FRAS1: variants seen among roughly 807,000 people sequenced by gnomAD.
FRAS1 encodes the protein extracellular matrix organizing protein FRAS1.
Under a neutral mutation model 435.2 loss-of-function variants are expected in FRAS1, and 290 were observed. The observed-to-expected ratio is 0.67, with a 90% confidence interval of 0.61 to 0.73. The LOEUF is 0.73. Among genes scored for constraint, FRAS1 ranks in the 30% least tolerant of loss-of-function variants. The probability of loss-of-function intolerance (pLI) is 0.00; values close to 1 mark genes in which losing one functional copy is unlikely to be tolerated. For synonymous variants in FRAS1, 1,800 were observed against 1,851.0 expected, an observed-to-expected ratio of 0.97 and a Z score of 0.71; for missense variants, 4,860 against 5,001.5, an observed-to-expected ratio of 0.97 and a Z score of 0.85.
At chr4:78,265,825 G>C (rs1412389160) in intron 7 of FRAS1, among the ~76,000 whole-genome samples, 1 of 152,170 alleles carries the variant, frequency 6.6e-6, no homozygotes, top group Non-Finnish European at 1.5e-5. Flanking sequence ...AGAAATTGGG[G>C]TCATGACTCT....
chr4:78,109,224 A>G (rs574577669), intron 2 of FRAS1, among the ~76,000 whole-genome samples: 4 of 80,030 alleles, frequency 5.0e-5, no homozygotes, highest in Admixed American at 1.5e-4. Flanking sequence ...ATAGAAAAAG[A>G]GGGAATCCTC....
intron 47 of FRAS1, among the ~76,000 whole-genome samples, chr4:78,453,320 A>G (rs1218249718): frequency 1.3e-5 from 2 of 152,162 alleles, no homozygotes; most frequent in Non-Finnish European, 2.9e-5. Context: ...GTGGGATTTC[A>G]CCTAGAGCAG....
chr4:78,227,793 T>A (rs1449940585), intron 2 of FRAS1, among the ~76,000 whole-genome samples: 1 of 152,208 alleles, frequency 6.6e-6, no homozygotes, highest in Non-Finnish European at 1.5e-5. Flanking sequence ...AGATTGAAGG[T>A]GGCTACTGCA....
intron 2 of FRAS1, among the ~76,000 whole-genome samples, chr4:78,221,066 G>A (rs1184508978): frequency 6.6e-6 from 1 of 152,116 alleles, no homozygotes; most frequent in Admixed American, 6.5e-5. Context: ...TACTTGGGAG[G>A]CTGAAGTGGG....
Position 78,306,188 on chromosome 4 carries a change from G to T in FRAS1, c.1535-1878G>T, listed in dbSNP as rs200333702. ...TTTTCTTTAAGAATGTTGAATATTG[G>T]CCCCCACTCTCTTCTGGCTTGTAGA... On this transcript the variant is annotated intron_variant, in intron 14 of 73. Transcript: ENST00000512123. 5.9e-5 allele frequency among the ~76,000 whole-genome samples: 9 copies of T among 151,770 alleles called. No homozygotes were observed. In the East Asian group the frequency reaches 7.7e-4, roughly 13 times the overall value.
At chr4:78,083,285 T>C (rs1319622790) in intron 2 of FRAS1, among the ~76,000 whole-genome samples, 6 of 152,060 alleles carry the variant, frequency 3.9e-5, no homozygotes, top group Non-Finnish European at 8.8e-5. Flanking sequence ...TTCTGGATAA[T>C]GAAAGGTGAA....
chr4:78,307,612 G>A (rs1300218237), intron 14 of FRAS1, among the ~76,000 whole-genome samples: 6 of 152,204 alleles, frequency 3.9e-5, no homozygotes, highest in Admixed American at 3.3e-4. Flanking sequence ...GGAGTGACCC[G>A]ATTTTCCAGG....
intron 30 of FRAS1, among the ~76,000 whole-genome samples, chr4:78,402,587 C>T (rs1488526089): frequency 1.3e-5 from 2 of 152,200 alleles, no homozygotes; most frequent in African/African-American, 4.8e-5. Context: ...CTTGAATACC[C>T]TTATCCTCCC....
intron 62 of FRAS1, 81 bp from the exon 63 acceptor site, chr4:78,508,650 T>G: frequency 7.1e-7 from 1 of 1,402,082 alleles, no homozygotes; most frequent in Non-Finnish European, 9.9e-7. Context: ...AGAGATCTTG[T>G]GGATCTCTAA....
intron 59 of FRAS1, among the ~76,000 whole-genome samples, chr4:78,496,028 T>C (rs1401823510): frequency 2.0e-5 from 3 of 152,196 alleles, no homozygotes; most frequent in African/African-American, 7.2e-5. Context: ...TACTCATATA[T>C]CCTTTGCAAT....
At chr4:78,392,900 A>G (rs1578294804) in intron 29 of FRAS1, among the ~76,000 whole-genome samples, 2 of 152,078 alleles carry the variant, frequency 1.3e-5, no homozygotes, top group Non-Finnish European at 1.5e-5. Flanking sequence ...AAGATGATAT[A>G]TACCCTTCTA....
intron 29 of FRAS1, among the ~76,000 whole-genome samples, chr4:78,395,801 G>A (rs973184881): frequency 7.9e-5 from 12 of 151,956 alleles, no homozygotes; most frequent in Non-Finnish European, 1.5e-4. Flanking sequence ...CATACTTTCT[G>A]TCCATTCAGC....
At chr4:78,064,914 G>A (rs1242499019) in intron 1 of FRAS1, among the ~76,000 whole-genome samples, 6 of 151,626 alleles carry the variant, frequency 4.0e-5, no homozygotes, top group Non-Finnish European at 7.4e-5. Flanking sequence ...GTTCAAATGT[G>A]TTTTGCAGAC....
intron 30 of FRAS1, among the ~76,000 whole-genome samples, chr4:78,403,601 A>C (rs528259626): frequency 6.6e-6 from 1 of 152,178 alleles, no homozygotes; most frequent in Non-Finnish European, 1.5e-5. Context: ...TTTTGTGAAG[A>C]GCTGACGCCT....
chr4:78,317,044 G>A (rs1043415597), intron 16 of FRAS1, among the ~76,000 whole-genome samples: 4 of 152,172 alleles, frequency 2.6e-5, no homozygotes, highest in Non-Finnish European at 5.9e-5. Flanking sequence ...CAAGACCTCA[G>A]TCTCCTCATC....
chr4:78,424,867 C>T (rs993512589), intron 35 of FRAS1, among the ~76,000 whole-genome samples: 3 of 151,806 alleles, frequency 2.0e-5, no homozygotes, highest in Non-Finnish European at 4.4e-5. Flanking sequence ...GAGGTCAAGG[C>T]TAGAGTGAGC....
chr4:78,497,497 A>T (rs190645074), intron 60 of FRAS1, among the ~76,000 whole-genome samples: 1 of 152,346 alleles, frequency 6.6e-6, no homozygotes, highest in Non-Finnish European at 1.5e-5. Context: ...GTTTCACTAA[A>T]ATAGATATTT....
intron 2 of FRAS1, among the ~76,000 whole-genome samples, chr4:78,193,589 G>A (rs1362478261): frequency 6.6e-6 from 1 of 152,082 alleles, no homozygotes; most frequent in Non-Finnish European, 1.5e-5. Context: ...GACTAGGATT[G>A]CAACCCCTGT....
chr4:78,277,699 A>T (rs1216377571), intron 9 of FRAS1, among the ~76,000 whole-genome samples: 1 of 152,188 alleles, frequency 6.6e-6, no homozygotes, highest in East Asian at 1.9e-4. Flanking sequence ...ATTATTTTGT[A>T]AAAAAATAAA....
Sources: gnomAD v4.1 joint callset for allele counts (sites outside exome capture counted in the v4.1 genomes callset) on GRCh38, gnomAD v4.1.1 for gene constraint, MANE v1.5 for transcripts, NCBI Gene and HGNC (gene_info 2026-07-23, HGNC 2026-07-21) for gene names.